The following ZFYVE26 variants were observed in gnomAD, a reference collection of about 807,000 sequenced individuals.
The protein encoded by ZFYVE26 is zinc finger FYVE domain-containing protein 26.
In ZFYVE26, 181 loss-of-function variants were observed where a neutral mutation model predicts 276.5. The observed-to-expected ratio is 0.65, with a 90% CI of 0.58 to 0.74. The LOEUF (loss-of-function observed/expected upper bound fraction) is 0.74, where lower values mean the gene tolerates loss of function less well. Ranked by LOEUF, ZFYVE26 falls within the 30% of genes least tolerant of loss-of-function variation. The pLI, the probability that ZFYVE26 is intolerant of heterozygous loss-of-function variation, is 0.00. For synonymous variants in ZFYVE26, 1,129 were observed against 1,203.1 expected (o/e 0.94, Z 1.27); for missense variants, 2,821 against 3,097.9 (o/e 0.91, Z 2.12).
At chr14:67,732,126 CAA>C (rs71129854) in intron 13 of ZFYVE26, among the ~76,000 whole-genome samples, 72 of 77,502 alleles carry the variant, frequency 9.3e-4, no homozygotes, top group East Asian at 6.3e-3. Flanking sequence ...GACTCTGTCT[CAA>C]AAAAAAAAAA....
At chr14:67,766,039 G>A (rs1368192449) in intron 32 of ZFYVE26, among the ~76,000 whole-genome samples, 188 bp downstream of exon 32, 1 of 152,220 alleles carries the variant, frequency 6.6e-6, no homozygotes, top group Non-Finnish European at 1.5e-5. Flanking sequence ...GACACAGGGT[G>A]TCAGGTAGGA....
Position 67,799,503 on chromosome 14 carries a change from A to T in ZFYVE26, c.1640-881T>A, listed in dbSNP as rs2040035815. The T allele has an allele frequency of 4.4e-6, 7 of 1,603,320 alleles. No homozygotes were observed. In the Admixed American group the frequency reaches 1.2e-4, roughly 27 times the overall value. On this transcript the variant is annotated intron_variant, in intron 10 of 41. Coordinates refer to ENST00000347230, the MANE Select transcript of ZFYVE26 (RefSeq NM_015346.4). ...GCAGCCATTCAGAGCAGACAAAAGG[A>T]TCGGCAAAAGGAAATGGACAGTTTT...
At chr14:67,745,981 A>G (rs992048914), downstream of ZFYVE26, among the ~76,000 whole-genome samples, 1 of 147,690 alleles carries the variant, frequency 6.8e-6, no homozygotes, top group Non-Finnish European at 1.5e-5. Flanking sequence ...ACTAAAGAAG[A>G]AACCTTTCAC....
rs911108941 is a variant in ZFYVE26 at position 67,729,122 on chromosome 14, T to G, written n.3288+89A>C. 22 of 1,489,432 alleles carry G rather than the reference T, an allele frequency of 1.5e-5. No individual in the cohort carries two copies. The African/African-American group carries it at 2.8e-4, about 19-fold the overall frequency. The allele number at this position is 1,489,432 out of a possible 1,614,324, so 92.3% of individuals were successfully genotyped here. ...CCTCCTTCTCACTTGTGTATTTTGC[T>G]GCAGGAGATAAGCTGTTTTCCTGGG... On this transcript the variant is annotated intron_variant and non_coding_transcript_variant, in intron 14 of 14. Transcript: ENST00000394455.
intron 13 of ZFYVE26, among the ~76,000 whole-genome samples, chr14:67,738,992 C>A (rs1439432364): frequency 6.6e-6 from 1 of 152,118 alleles, no homozygotes; most frequent in Non-Finnish European, 1.5e-5. Context: ...TGAAAGCAAC[C>A]CAGGTGATTC....
intron 5 of ZFYVE26, 65 bp downstream of exon 5, chr14:67,807,333 C>A: frequency 6.2e-7 from 1 of 1,602,236 alleles, no homozygotes; most frequent in Non-Finnish European, 8.5e-7. Context: ...CAGTCTAGAG[C>A]CTCCAGCAAG....
At chr14:67,758,823 G>C (rs1031941712) in intron 35 of ZFYVE26, among the ~76,000 whole-genome samples, 4 of 152,054 alleles carry the variant, frequency 2.6e-5, no homozygotes, top group Non-Finnish European at 5.9e-5. Flanking sequence ...TTTTAGTAAA[G>C]ACAGGGTTTC....
At chr14:67,808,474 T>C (rs1819489834) in intron 4 of ZFYVE26, among the ~76,000 whole-genome samples, 1 of 152,118 alleles carries the variant, frequency 6.6e-6, no homozygotes, top group Admixed American at 6.6e-5. Context: ...TAATACATAA[T>C]AGTGTGTGTT....
At position 67,768,529 on chromosome 14, in the gene ZFYVE26, C is replaced by G; in HGVS notation, c.5641G>C (p.Glu1881Gln). Residue 1881 changes from glutamate (E) to glutamine (Q), a missense_variant, in exon 30 of 42, where the codon GAA becomes CAA. Transcript: ENST00000347230. ...CNKDVPEEPS[E>Q]KPEALDSSKN... ...GATTTGGCCTTACCTTCTGGTTTTT[C>G]TGAAGGCTCCTCTGGTACACTGAAA... 1 of 1,614,148 alleles carries G rather than the reference C, an allele frequency of 6.2e-7. No individual in the cohort carries two copies. The highest frequency in any genetic ancestry group is 8.5e-7 in the Non-Finnish European group (1 of 1,180,004).
In ZFYVE26 at chr14:67,766,223, C is replaced by T; in HGVS notation, c.6011+4G>A. 6.2e-7 allele frequency: 1 copy of T among 1,613,990 alleles called. No homozygotes were observed. Among genetic ancestry groups the T allele is most frequent in the Non-Finnish European group, 8.5e-7 (1 of 1,179,992 alleles). The stretch of plus-strand genomic sequence containing the variant: ...TAAAAGAATAGAGACCCACTGCCCT[C>T]TACCTGTCACAAAGAGCCAAGTCTT... On this transcript the variant is annotated splice_donor_region_variant and intron_variant, in intron 32 of 41. Transcript: ENST00000347230.
At position 67,807,899 on chromosome 14, in the gene ZFYVE26, G is replaced by T. The variant is rs759913777; in HGVS notation, c.385C>A (p.Gln129Lys). ...ILEELYETLT[Q>K]GAVGHVPDGN... The stretch of plus-strand genomic sequence containing the variant: ...TCAGGCACGTGGCCTACTGCACCCT[G>T]TGTTAAGGTCTCATACAGCTCCTAA... The change falls in exon 5 of 42, where the codon CAG becomes AAG. Residue 129 changes from glutamine (Q) to lysine (K), a missense_variant. Transcript: ENST00000347230. 6.2e-7 allele frequency: 1 copy of T among 1,614,152 alleles called. No individual in the cohort carries two copies. The highest frequency in any genetic ancestry group is 1.7e-5 in the Admixed American group (1 of 60,012).
chr14:67,761,039 C>T, intron 35 of ZFYVE26: 2 of 592,364 alleles, frequency 3.4e-6, no homozygotes, highest in South Asian at 4.0e-5. Context: ...AAGCAATATG[C>T]CCAAGGCCAC....
chr14:67,730,479 TA>T (rs2038255074), intron 13 of ZFYVE26, among the ~76,000 whole-genome samples: 2 of 152,378 alleles, frequency 1.3e-5, no homozygotes, highest in African/African-American at 4.8e-5. Context: ...ATGTTGCTGC[TA>T]AAAATGTTTT....
In ZFYVE26 at chr14:67,789,493, A is replaced by G. The variant is rs1247456749; in HGVS notation, c.2861T>C (p.Val954Ala). The change falls in exon 16 of 42, where the codon GTG becomes GCG. Residue 954 changes from valine (V) to alanine (A), a missense_variant. Val to Ala is a moderately conservative substitution (Grantham distance 64). Coordinates refer to ENST00000347230, the MANE Select transcript of ZFYVE26 (RefSeq NM_015346.4). ...QEDFWISTALVEPTAPLREVL... is the reference protein window; with the variant it reads ...QEDFWISTALAEPTAPLREVL... The stretch of plus-strand genomic sequence containing the variant: ...CTCTCTCAGGGGAGCAGTGGGCTCC[A>G]CTAGAGCCGTGCTTATCCAAAAGTC... 1 of 1,614,168 alleles carries G rather than the reference A, an allele frequency of 6.2e-7. No homozygotes were observed. The highest frequency in any genetic ancestry group is 8.5e-7 in the Non-Finnish European group (1 of 1,180,024).
chr14:67,764,455 G>A (rs1000153210), intron 32 of ZFYVE26, among the ~76,000 whole-genome samples: 2 of 152,086 alleles, frequency 1.3e-5, no homozygotes, highest in African/African-American at 4.8e-5. Flanking sequence ...TCCTGGCCTC[G>A]GGATCCTCTT....
chr14:67,753,050 G>A (rs140981829), intron 39 of ZFYVE26, among the ~76,000 whole-genome samples: 137 of 152,316 alleles, frequency 9.0e-4, no homozygotes, highest in Non-Finnish European at 1.5e-3. Flanking sequence ...TGTGTGGTGA[G>A]CTCTGTCCAA....
chr14:67,790,859 G>C, intron 14 of ZFYVE26, 86 bp from the exon 15 acceptor site: 3 of 1,260,640 alleles, frequency 2.4e-6, no homozygotes, highest in East Asian at 2.3e-5. Context: ...CCAACCATTA[G>C]ACTGTGGCCC....
intron 39 of ZFYVE26, 121 bp from the exon 40 acceptor site, chr14:67,752,647 G>A: frequency 9.2e-7 from 1 of 1,090,004 alleles, no homozygotes; most frequent in Non-Finnish European, 1.4e-6. Context: ...TGTGGTCACA[G>A]TAGAAAACAT....
chr14:67,799,560 C>A, intron 10 of ZFYVE26: 1 of 1,530,600 alleles, frequency 6.5e-7, no homozygotes, highest in Non-Finnish European at 9.0e-7. Context: ...TACTGCAAGT[C>A]TTCCAAAGGA....
Sources: gnomAD v4.1 joint callset for allele counts (sites outside exome capture counted in the v4.1 genomes callset) on GRCh38, gnomAD v4.1.1 for gene constraint, MANE v1.5 for transcripts, NCBI Gene and HGNC (gene_info 2026-07-23, HGNC 2026-07-21) for gene names.